NLRP10: variants seen among roughly 807,000 people sequenced by gnomAD.
NLRP10 encodes NLR family pyrin domain containing 10.
In NLRP10, 7 loss-of-function variants were observed where a neutral mutation model predicts 8.2. That is an observed-to-expected ratio of 0.85 (90% CI 0.48 to 1.60). NLRP10 has a LOEUF of 1.60. Ranked by LOEUF, NLRP10 falls within the 40% of genes most tolerant of loss-of-function variation. The probability of loss-of-function intolerance (pLI) is 0.00; values close to 1 mark genes in which losing one functional copy is unlikely to be tolerated. For missense variants in NLRP10, 814 were observed against 776.3 expected (o/e 1.05, Z -0.58); for synonymous variants, 338 against 314.0 (o/e 1.08, Z -0.81).
chr11:7,963,178 GC>G, intron 2 of NLRP10, 28 bp downstream of exon 2: 1 of 1,601,400 alleles, frequency 6.2e-7, no homozygotes, highest in Non-Finnish European at 8.5e-7. Context: ...GTGCCATCCT[GC>G]CCTCCCCTTC....
intron 2 of NLRP10, among the ~76,000 whole-genome samples, chr11:7,961,976 G>C (rs540252843): frequency 6.0e-5 from 8 of 133,406 alleles, no homozygotes; most frequent in African/African-American, 2.0e-4. Flanking sequence ...AGCTACACAA[G>C]AGCTGGTTGT....
chr11:7,960,866 T>A lies in NLRP10; in HGVS notation c.746A>T (p.Asp249Val), dbSNP rs752061770. 7.4e-6 allele frequency: 12 copies of A among 1,614,060 alleles called. No individual in the cohort carries two copies. In the South Asian group the frequency reaches 1.3e-4, roughly 18 times the overall value. ...GGGCCTCTGCAGCTCATCAAAGCCA[T>A]CCAGGATGAACAGGAGCCGCTCTGG... ...RQPERLLFILDGFDELQRPFE... is the reference protein window; with the variant it reads ...RQPERLLFILVGFDELQRPFE... Residue 249 changes from aspartate (D) to valine (V), a missense_variant, in exon 3 of 3, where the codon GAT becomes GTT. Asp to Val is a radical substitution (Grantham distance 152). Transcript: ENST00000691676.
In NLRP10 at chr11:7,960,146, T is replaced by G; in HGVS notation, c.1466A>C (p.Lys489Thr). The part of the protein sequence containing the change: ...LVKEDQSRLG[K>T]ESRREVQRLL... ...CCTTTGCACTTCTCTGCGGGACTCCTTCCCCAGCCGGCTTTGGTCCTCTTT... is the reference window on the plus strand; with the variant it reads ...CCTTTGCACTTCTCTGCGGGACTCCGTCCCCAGCCGGCTTTGGTCCTCTTT... Residue 489 changes from lysine to threonine, a missense_variant, in exon 3 of 3, where the codon AAG becomes ACG. Lys to Thr is a moderately conservative substitution (Grantham distance 78). Transcript: ENST00000691676. 6.2e-7 allele frequency: 1 copy of G among 1,614,170 alleles called. No individual in the cohort carries two copies. Among genetic ancestry groups the G allele is most frequent in the African/African-American group, 1.3e-5 (1 of 75,048 alleles).
intron 2 of NLRP10, among the ~76,000 whole-genome samples, chr11:7,962,859 A>G (rs1941755283): frequency 6.6e-6 from 1 of 152,106 alleles, no homozygotes; most frequent in South Asian, 2.1e-4. Context: ...TGACCCCTAC[A>G]TCCTGATGCT....
rs577958443 is a variant in NLRP10, at chr11:7,961,642, C to A, written c.290-320G>T. ...TGTGGAGGGAAGTCATGTCAGTGTG[C>A]ATCAGCAAGTGTGTGTCTGTAAGAA... On this transcript the variant is annotated intron_variant, in intron 2 of 2. Coordinates refer to ENST00000691676, the MANE Select transcript of NLRP10 (RefSeq NM_001391958.1). 1.1e-4 allele frequency among the ~76,000 whole-genome samples: 16 copies of A among 152,196 alleles called. No individual in the cohort carries two copies. The South Asian group carries it at 2.5e-3, about 24-fold the overall frequency.
In NLRP10 at chr11:7,961,099, T is replaced by C. The variant is rs146960190; in HGVS notation, c.513A>G (p.Leu171=). 1.1e-4 allele frequency: 173 copies of C among 1,614,030 alleles called. No individual in the cohort carries two copies. The highest frequency in any genetic ancestry group is 1.3e-4 in the Non-Finnish European group (159 of 1,180,016). Residue 171 remains leucine, a synonymous_variant, in exon 3 of 3, where the codon CTA becomes CTG. Transcript: ENST00000691676. ...KPSLAPSLVV[L]QGSAGTGKTT... is the part of the protein sequence containing the mutation. ...TCTTTCCAGTGCCAGCCGACCCCTG[T>C]AGCACAACTAAGGATGGGGCCAGTG...
Position 7,960,478 on chromosome 11 carries a change from A to T in NLRP10, c.1134T>A (p.Pro378=). ...CCATGAAGATGTCAGTGCTGTTTCTAGGTGTCTCTAAGACAACTTTGCCTC... is the reference window on the plus strand; with the variant it reads ...CCATGAAGATGTCAGTGCTGTTTCTTGGTGTCTCTAAGACAACTTTGCCTC... ...MERGKVVLET[P]RNSTDIFMAY... Residue 378 remains proline (P), a synonymous_variant, in exon 3 of 3, where the codon CCT becomes CCA. Coordinates refer to ENST00000691676, the MANE Select transcript of NLRP10 (RefSeq NM_001391958.1). 6.2e-7 allele frequency: 1 copy of T among 1,614,172 alleles called. No homozygotes were observed. The highest frequency in any genetic ancestry group is 8.5e-7 in the Non-Finnish European group (1 of 1,180,012).
At position 7,959,084 on chromosome 11, in the gene NLRP10, T is replaced by A. The variant is rs1338721976; in HGVS notation, c.*560A>T. Among the ~76,000 whole-genome samples, 1 of 152,234 alleles carries A rather than the reference T, an allele frequency of 6.6e-6. No homozygotes were observed. Among genetic ancestry groups the A allele is most frequent in the Non-Finnish European group, 1.5e-5 (1 of 68,036 alleles). On this transcript the variant is annotated 3_prime_UTR_variant, in exon 3 of 3. Transcript: ENST00000691676. ...ACCTAGATTTTCTCCTATATTATCT[T>A]CTAGCAGTTTATATTAGTACTTTTG...
chr11:7,961,330 A>G lies in NLRP10; in HGVS notation c.290-8T>C. 1 of 1,522,862 alleles carries G rather than the reference A, an allele frequency of 6.6e-7. No homozygotes were observed. Among genetic ancestry groups the G allele is most frequent in the Non-Finnish European group, 8.9e-7 (1 of 1,127,790 alleles). 94.3% of individuals were successfully genotyped at this position (1,522,862 alleles called of 1,614,324 possible). ...GGTATACTTCTCTGTAATCTGAGCC[A>G]AACAAATGGGATGTTAGGTAGTGAA... On this transcript the variant is annotated splice_region_variant and splice_polypyrimidine_tract_variant and intron_variant, in intron 2 of 2. Coordinates refer to ENST00000691676, the MANE Select transcript of NLRP10 (RefSeq NM_001391958.1).
At position 7,961,225 on chromosome 11, in the gene NLRP10, C is replaced by T. The variant is rs766882617; in HGVS notation, c.387G>A (p.Lys129=). 14 of 1,613,684 alleles carry T rather than the reference C, an allele frequency of 8.7e-6. No individual in the cohort carries two copies. In the Admixed American group the frequency reaches 2.3e-4, roughly 27 times the overall value. Reference sequence around the variant, plus strand: ...GTGATTCTGGGCTCTCTGAGCTGGGCTTGGCCACCAGGAGCACCTGGTTGT... The same window carrying T: ...GTGATTCTGGGCTCTCTGAGCTGGGTTTGGCCACCAGGAGCACCTGGTTGT... ...GRYNQVLLVA[K]PSSESPESLA... The change falls in exon 3 of 3, where the codon AAG becomes AAA. Residue 129 remains lysine (K), a synonymous_variant. Coordinates refer to ENST00000691676, the MANE Select transcript of NLRP10 (RefSeq NM_001391958.1).
chr11:7,963,911 A>T (rs765764606), intron 1 of NLRP10, among the ~76,000 whole-genome samples: 6 of 151,714 alleles, frequency 4.0e-5, no homozygotes, highest in African/African-American at 7.3e-5. Flanking sequence ...AAGAAAAAAA[A>T]GTCTAAGTTT....
At chr11:7,961,473 A>G (rs1941729230) in intron 2 of NLRP10, 151 bp from the exon 3 acceptor site, 2 of 617,662 alleles carry the variant, frequency 3.2e-6, no homozygotes, top group South Asian at 2.0e-5. Flanking sequence ...GGGAGGGGCC[A>G]CTGTATGTGT....
chr11:7,962,184 CAGGTATTGCTTTATAGCAATACCAAA>C, intron 2 of NLRP10, among the ~76,000 whole-genome samples: 1 of 146,578 alleles, frequency 6.8e-6, no homozygotes, highest in African/African-American at 2.5e-5. Flanking sequence ...TACCCAGTCT[CAGGTATTGCTTTATAGCAATACCAAA>C]GGGACTAAGA....
At chr11:7,963,580 G>T in intron 1 of NLRP10, 40 bp from the exon 2 acceptor site, 2 of 1,274,152 alleles carry the variant, frequency 1.6e-6, no homozygotes, top group Non-Finnish European at 2.2e-6. Flanking sequence ...CTGCTGAGAG[G>T]CCCACCCTGC....
Position 7,960,690 on chromosome 11 carries a change from G to C in NLRP10, c.922C>G (p.Arg308Gly). 1 of 1,614,186 alleles carries C rather than the reference G, an allele frequency of 6.2e-7. No individual in the cohort carries two copies. Residue 308 changes from arginine (R) to glycine (G), a missense_variant, in exon 3 of 3, where the codon CGT (arginine) becomes GGT (glycine). By Grantham distance (125) the Arg-to-Gly change is moderately radical. Coordinates refer to ENST00000691676, the MANE Select transcript of NLRP10 (RefSeq NM_001391958.1). Reference sequence around the variant, plus strand: ...GAGAAGCCTAGGATATGGACATGACGTGCTTGTTTCAGCAAGGGCTCCAGA... The same window carrying C: ...GAGAAGCCTAGGATATGGACATGACCTGCTTGTTTCAGCAAGGGCTCCAGA... The part of the protein sequence containing the change: ...RNLEPLLKQA[R>G]HVHILGFSEE...
chr11:7,963,051 T>C (rs1237422050), intron 2 of NLRP10, among the ~76,000 whole-genome samples, 156 bp downstream of exon 2: 2 of 152,110 alleles, frequency 1.3e-5, no homozygotes, highest in Non-Finnish European at 2.9e-5. Flanking sequence ...GTTGGAACCC[T>C]CAGGTGGAGA....
rs2133639272 is a variant in NLRP10 at position 7,959,636 on chromosome 11, A to C, written c.*8T>G. On this transcript the variant is annotated 3_prime_UTR_variant, in exon 3 of 3. Coordinates refer to ENST00000691676, the MANE Select transcript of NLRP10 (RefSeq NM_001391958.1). Reference sequence around the variant, plus strand: ...CCTCATAGAGATCTTGTACATATTTAATTAGGTTTATATGTAAGTATTTTT... The same window carrying C: ...CCTCATAGAGATCTTGTACATATTTCATTAGGTTTATATGTAAGTATTTTT... The C allele has an allele frequency of 7.2e-7, 1 of 1,386,902 alleles. No individual in the cohort carries two copies. The highest frequency in any genetic ancestry group is 2.3e-5 in the East Asian group (1 of 43,564). 85.9% of individuals were successfully genotyped at this position (1,386,902 alleles called of 1,614,324 possible).
rs545999929 is a variant in NLRP10, at chr11:7,960,375, G to A, written c.1237C>T (p.Leu413=). ...ATCCCTTCAGCTGCTAGGGAGCACA[G>A]ACTCCTCAGGACCCTGTGCCGGGAA... ...ELSRHRVLRS[L]CSLAAEGIQH... is the part of the protein sequence containing the mutation. Residue 413 remains leucine, a synonymous_variant, in exon 3 of 3, where the codon CTG becomes TTG. Coordinates refer to ENST00000691676, the MANE Select transcript of NLRP10 (RefSeq NM_001391958.1). 1.9e-6 allele frequency: 3 copies of A among 1,614,046 alleles called. No individual in the cohort carries two copies. The highest frequency in any genetic ancestry group is 2.2e-5 in the East Asian group (1 of 44,880).
chr11:7,963,359 C>G lies in NLRP10; in HGVS notation c.137G>C (p.Arg46Thr), dbSNP rs1180382228. Reference sequence around the variant, plus strand: ...CGGAATCAGGCCCTCCAACTCCCCTCTGGCCAGTGGGGGCTGGCCCTCAGA... The same window carrying G: ...CGGAATCAGGCCCTCCAACTCCCCTGTGGCCAGTGGGGGCTGGCCCTCAGA... ...TLSEGQPPLA[R>T]GELEGLIPVD... Residue 46 changes from arginine to threonine, a missense_variant, in exon 2 of 3, where the codon AGA (arginine) becomes ACA (threonine). Transcript: ENST00000691676. The G allele has an allele frequency of 3.1e-6, 5 of 1,614,242 alleles. No homozygotes were observed. Among genetic ancestry groups the G allele is most frequent in the Non-Finnish European group, 4.2e-6 (5 of 1,180,034 alleles).
Sources: gnomAD v4.1 joint callset for allele counts (sites outside exome capture counted in the v4.1 genomes callset) on GRCh38, gnomAD v4.1.1 for gene constraint, MANE v1.5 for transcripts, NCBI Gene and HGNC (gene_info 2026-07-23, HGNC 2026-07-21) for gene names.